Variants in EPS15 observed in about 807,000 individuals in gnomAD.
EPS15 encodes the protein epidermal growth factor receptor pathway substrate 15.
In EPS15, 72 loss-of-function variants were observed where a neutral mutation model predicts 113.8. The observed-to-expected ratio is 0.63, with a 90% CI of 0.52 to 0.77. The LOEUF (loss-of-function observed/expected upper bound fraction) is 0.77, where lower values mean the gene tolerates loss of function less well. Ranked by LOEUF, EPS15 falls within the 30% of genes least tolerant of loss-of-function variation. The pLI, the probability that EPS15 is intolerant of heterozygous loss-of-function variation, is 0.00. For synonymous variants in EPS15, 344 were observed against 363.4 expected, an observed-to-expected ratio of 0.95 and a Z score of 0.61; for missense variants, 1,048 against 1,045.8, an observed-to-expected ratio of 1.00 and a Z score of -0.03.
intron 12 of EPS15, among the ~76,000 whole-genome samples, chr1:51,430,141 C>A (rs928128849): frequency 1.3e-5 from 2 of 152,166 alleles, no homozygotes; most frequent in African/African-American, 4.8e-5. Context: ...CAATAAAACA[C>A]CCTGACTCTG....
At chr1:51,507,884 A>C (rs986717940) in intron 1 of EPS15, among the ~76,000 whole-genome samples, 2 of 152,064 alleles carry the variant, frequency 1.3e-5, no homozygotes, top group Non-Finnish European at 2.9e-5. Context: ...ACTGGAAATG[A>C]AAAAACATTT....
chr1:51,476,472 A>T (rs1012641470), intron 2 of EPS15, among the ~76,000 whole-genome samples: 3 of 152,122 alleles, frequency 2.0e-5, no homozygotes, highest in African/African-American at 7.2e-5. Flanking sequence ...TAGATTTTCT[A>T]GTTTATTTGC....
chr1:51,514,053 G>GT (rs962813569), intron 1 of EPS15, among the ~76,000 whole-genome samples: 8 of 151,974 alleles, frequency 5.3e-5, no homozygotes, highest in South Asian at 4.2e-4. Context: ...AAATTTTAGT[G>GT]TTTTTTTTCT....
chr1:51,490,711 G>T (rs780479355), intron 1 of EPS15, among the ~76,000 whole-genome samples: 20 of 152,138 alleles, frequency 1.3e-4, no homozygotes, highest in Non-Finnish European at 2.6e-4. Context: ...AGGGGAGTGG[G>T]TATGATTATA....
intron 23 of EPS15, among the ~76,000 whole-genome samples, chr1:51,363,606 C>T (rs1211018487): frequency 6.6e-6 from 1 of 151,944 alleles, no homozygotes; most frequent in Non-Finnish European, 1.5e-5. Context: ...CATTGATTGC[C>T]TCTCTGAAAT....
intron 1 of EPS15, among the ~76,000 whole-genome samples, chr1:51,487,819 G>T (rs903449155): frequency 2.6e-5 from 4 of 152,140 alleles, no homozygotes; most frequent in African/African-American, 9.7e-5. Context: ...AAGTGAGAAT[G>T]GAAAAAGCCA....
chr1:51,360,398 T>C (rs976329963), intron 24 of EPS15, among the ~76,000 whole-genome samples: 3 of 152,226 alleles, frequency 2.0e-5, no homozygotes. Flanking sequence ...ATATATGACA[T>C]TGCTTTATGT....
chr1:51,491,955 C>T (rs1367944304), intron 1 of EPS15, among the ~76,000 whole-genome samples: 1 of 151,616 alleles, frequency 6.6e-6, no homozygotes, highest in Non-Finnish European at 1.5e-5. Flanking sequence ...CAGCCTCCAC[C>T]TCCGGGGCTC....
intron 1 of EPS15, among the ~76,000 whole-genome samples, chr1:51,510,787 T>G (rs2148565233): frequency 6.6e-6 from 1 of 152,260 alleles, no homozygotes; most frequent in Non-Finnish European, 1.5e-5. Flanking sequence ...ATGGCAGGCT[T>G]AAGAATAAAA....
chr1:51,494,884 C>T (rs1175132438), intron 1 of EPS15, among the ~76,000 whole-genome samples: 1 of 152,180 alleles, frequency 6.6e-6, no homozygotes, highest in African/African-American at 2.4e-5. Flanking sequence ...AATGTTATAT[C>T]CAAGTAAGGT....
At chr1:51,465,075 C>T (rs1654746887) in intron 6 of EPS15, among the ~76,000 whole-genome samples, 186 bp downstream of exon 6, 1 of 152,126 alleles carries the variant, frequency 6.6e-6, no homozygotes, top group Non-Finnish European at 1.5e-5. Flanking sequence ...TACAAGTAGA[C>T]CGATACTGTC....
At chr1:51,505,552 C>CA (rs1285007145) in intron 1 of EPS15, among the ~76,000 whole-genome samples, 1 of 152,070 alleles carries the variant, frequency 6.6e-6, no homozygotes, top group Non-Finnish European at 1.5e-5. Flanking sequence ...CTGAGGGGTA[C>CA]AAGTTTCTTT....
intron 13 of EPS15, among the ~76,000 whole-genome samples, chr1:51,413,098 C>T (rs999553571): frequency 1.3e-5 from 2 of 152,154 alleles, no homozygotes; most frequent in African/African-American, 4.8e-5. Flanking sequence ...TCAGAAGACC[C>T]TATTCCTTCT....
At chr1:51,361,790 A>T (rs1180161561) in intron 23 of EPS15, among the ~76,000 whole-genome samples, 1 of 152,228 alleles carries the variant, frequency 6.6e-6, no homozygotes, top group African/African-American at 2.4e-5. Flanking sequence ...AGTAAGAGCA[A>T]ATGACCTCTG....
chr1:51,483,757 A>C (rs2148526430), intron 1 of EPS15, among the ~76,000 whole-genome samples: 1 of 151,364 alleles, frequency 6.6e-6, no homozygotes, highest in African/African-American at 2.4e-5. Context: ...AGTGAGCTGA[A>C]ATCACGCCAC....
At chr1:51,422,284 A>G (rs1164605401) in intron 12 of EPS15, among the ~76,000 whole-genome samples, 1 of 152,192 alleles carries the variant, frequency 6.6e-6, no homozygotes, top group Non-Finnish European at 1.5e-5. Context: ...AGTCAACAAT[A>G]CTAAGGAAAA....
chr1:51,508,216 A>AGAG (rs761557356), intron 1 of EPS15, among the ~76,000 whole-genome samples: 1 of 129,924 alleles, frequency 7.7e-6, no homozygotes, highest in African/African-American at 3.0e-5. Context: ...AAGAAAAGAA[A>AGAG]AGAAAAGAAA....
chr1:51,383,409 G>A (rs1490996003), intron 21 of EPS15, among the ~76,000 whole-genome samples: 1 of 152,166 alleles, frequency 6.6e-6, no homozygotes, highest in African/African-American at 2.4e-5. Flanking sequence ...GACCGGTTTT[G>A]TGGAAGACAA....
chr1:51,492,375 T>A (rs1488867527), intron 1 of EPS15, among the ~76,000 whole-genome samples: 1 of 152,134 alleles, frequency 6.6e-6, no homozygotes. Context: ...ATACTGTAAA[T>A]ACAGTATTCT....
Sources: gnomAD v4.1 joint callset for allele counts (sites outside exome capture counted in the v4.1 genomes callset) on GRCh38, gnomAD v4.1.1 for gene constraint, MANE v1.5 for transcripts, NCBI Gene and HGNC (gene_info 2026-07-23, HGNC 2026-07-21) for gene names.